Variants in CTDSP2 observed in about 807,000 individuals in gnomAD.
CTDSP2 encodes the protein CTD small phosphatase 2.
A neutral mutation model predicts 31.6 loss-of-function variants in CTDSP2; 9 were observed. The observed-to-expected ratio is 0.28, with a 90% CI of 0.17 to 0.50. The LOEUF (loss-of-function observed/expected upper bound fraction) is 0.50. Among genes scored for constraint, CTDSP2 ranks in the 20% least tolerant of loss-of-function variants. The pLI, the probability that CTDSP2 is intolerant of heterozygous loss-of-function variation, is 0.98. For synonymous variants in CTDSP2, 134 were observed against 134.5 expected, an observed-to-expected ratio of 1.00 and a Z score of 0.03; for missense variants, 267 against 348.5, an observed-to-expected ratio of 0.77 and a Z score of 1.86.
chr12:57,825,582 C>T (rs761417851), intron 5 of CTDSP2, among the ~76,000 whole-genome samples: 3 of 152,216 alleles, frequency 2.0e-5, no homozygotes, highest in Non-Finnish European at 4.4e-5. Flanking sequence ...TAGTCCTGAC[C>T]GGGGCCTGGC....
intron 2 of CTDSP2, 128 bp from the exon 3 acceptor site, chr12:57,827,718 C>T: frequency 1.2e-6 from 1 of 868,742 alleles, no homozygotes; most frequent in Admixed American, 2.1e-5. Flanking sequence ...AAGCTCCTAC[C>T]ATGTCAAAAG....
chr12:57,830,927 C>T (rs111514512), intron 1 of CTDSP2, among the ~76,000 whole-genome samples: 3 of 151,418 alleles, frequency 2.0e-5, no homozygotes, highest in African/African-American at 4.8e-5. Context: ...TTTGTACTTT[C>T]AGTAGAGATG....
At chr12:57,826,122 G>C (rs1435889157) in intron 5 of CTDSP2, among the ~76,000 whole-genome samples, 1 of 152,208 alleles carries the variant, frequency 6.6e-6, no homozygotes, top group Non-Finnish European at 1.5e-5. Flanking sequence ...GTTGCAAAGA[G>C]AAAACAAGGG....
chr12:57,844,121 G>T (rs1956298805), intron 1 of CTDSP2, among the ~76,000 whole-genome samples: 1 of 152,088 alleles, frequency 6.6e-6, no homozygotes, highest in South Asian at 2.1e-4. Flanking sequence ...CTTGAATTTA[G>T]GAGGCGGAGG....
Position 57,820,396 on chromosome 12 carries a change from A to G in CTDSP2, c.*3206T>C, listed in dbSNP as rs1956137600. ...GGTTAAGTAATCCACTGAGGACCTG[A>G]AGGGGAAAATGGACTTACCTTTCTC... is the stretch of plus-strand genomic sequence containing the variant. On this transcript the variant is annotated 3_prime_UTR_variant, in exon 8 of 8. Transcript: ENST00000398073. 6.6e-6 allele frequency: 1 copy of G among 152,238 alleles called. No individual in the cohort carries two copies. Among genetic ancestry groups the G allele is most frequent in the African/African-American group, 2.4e-5 (1 of 41,462 alleles). The allele number at this position is 152,238 out of a possible 1,614,324, so 9.4% of individuals were successfully genotyped here. A position where few individuals can be genotyped will look rare whatever the true frequency, so the allele number is the denominator to read the frequency against.
At chr12:57,824,406 A>G (rs1595186103) in intron 5 of CTDSP2, 87 bp from the exon 6 acceptor site, 3 of 1,012,544 alleles carry the variant, frequency 3.0e-6, no homozygotes. Context: ...CACAGCAGCA[A>G]GGAGCTCTCA....
At chr12:57,840,868 G>A (rs1359757875) in intron 1 of CTDSP2, among the ~76,000 whole-genome samples, 1 of 152,042 alleles carries the variant, frequency 6.6e-6, no homozygotes, top group Non-Finnish European at 1.5e-5. Context: ...CATAAAACAG[G>A]GCATACACAC....
rs538213727 is a variant in CTDSP2, at chr12:57,829,491, G to C, written c.170C>G (p.Thr57Ser). ...TTCCTCCTTATACGCAGCGAGCTCA[G>C]TGGAGGAACTTGACTGGCCAACATG... Reference protein sequence around the residue: ...AQHVGQSSSSTELAAYKEEAN... With the variant: ...AQHVGQSSSSSELAAYKEEAN... Residue 57 changes from threonine (T) to serine (S), a missense_variant, in exon 2 of 8, where the codon ACT becomes AGT. This residue lies in a region of CTDSP2 where 111 missense variants were observed against 107.1 expected (regional missense o/e 1.04). Coordinates refer to ENST00000398073, the MANE Select transcript of CTDSP2 (RefSeq NM_005730.4). 13 of 1,614,204 alleles carry C rather than the reference G, an allele frequency of 8.1e-6. No individual in the cohort carries two copies. The South Asian group carries it at 1.4e-4, about 18-fold the overall frequency.
At position 57,821,054 on chromosome 12, in the gene CTDSP2, C is replaced by T. The variant is rs1956142000; in HGVS notation, c.*2548G>A. 6.6e-6 allele frequency: 1 copy of T among 152,212 alleles called. No individual in the cohort carries two copies. Among genetic ancestry groups the T allele is most frequent in the East Asian group, 1.9e-4 (1 of 5,198 alleles). The allele number at this position is 152,212 out of a possible 1,614,324, so 9.4% of individuals were successfully genotyped here. On this transcript the variant is annotated 3_prime_UTR_variant, in exon 8 of 8. Transcript: ENST00000398073. ...TGGGATGAAGCGGCCTCCTCCCTGT[C>T]TTGCCCTCCAAAATTGAGTCTGGCC... is the stretch of plus-strand genomic sequence containing the variant.
At chr12:57,840,368 C>G (rs1026865067) in intron 1 of CTDSP2, among the ~76,000 whole-genome samples, 1 of 152,240 alleles carries the variant, frequency 6.6e-6, no homozygotes, top group African/African-American at 2.4e-5. Context: ...CCTCTCCCCA[C>G]CGTACCTGAC....
chr12:57,842,122 G>A lies in CTDSP2; in HGVS notation c.64+4250C>T, dbSNP rs924425361. On this transcript the variant is annotated intron_variant, in intron 1 of 7. Coordinates refer to ENST00000398073, the MANE Select transcript of CTDSP2 (RefSeq NM_005730.4). ...AATACCCCAAATTACCCAAAAGCTA[G>A]CAGAAAAAAAAAATTGTAGGAGGAA... The A allele has an allele frequency of 4.6e-5, 7 of 151,504 alleles. No individual in the cohort carries two copies. The South Asian group carries it at 6.2e-4, about 13-fold the overall frequency. 9.4% of individuals were successfully genotyped at this position (151,504 alleles called of 1,614,324 possible). A position where few individuals can be genotyped will look rare whatever the true frequency, so the allele number is the denominator to read the frequency against.
chr12:57,823,424 T>G lies in CTDSP2; in HGVS notation c.*178A>C. On this transcript the variant is annotated 3_prime_UTR_variant, in exon 8 of 8. Transcript: ENST00000398073. ...TGGCGGCAGGTAGCTCTGGGTATCA[T>G]TGGTCTGGCATTCGCCCACTCGGCA... The G allele has an allele frequency of 1.5e-6, 1 of 648,228 alleles. No individual in the cohort carries two copies. The highest frequency in any genetic ancestry group is 2.6e-6 in the Non-Finnish European group (1 of 379,872). 40.2% of individuals were successfully genotyped at this position (648,228 alleles called of 1,614,324 possible).
chr12:57,825,200 G>A (rs1488736065), intron 5 of CTDSP2, among the ~76,000 whole-genome samples: 4 of 151,930 alleles, frequency 2.6e-5, no homozygotes, highest in Admixed American at 1.3e-4. Flanking sequence ...AAAGAGAGTC[G>A]GCCTGCTGTG....
chr12:57,827,213 A>G lies in CTDSP2; in HGVS notation c.253-116T>C, dbSNP rs532823821. ...GGAGACACAATCACCAACCCAGGAT[A>G]GGCACCACTTAAAGGCCAGGAAGAA... On this transcript the variant is annotated intron_variant, in intron 3 of 7. Coordinates refer to ENST00000398073, the MANE Select transcript of CTDSP2 (RefSeq NM_005730.4). The G allele has an allele frequency of 5.0e-5, 37 of 735,324 alleles. 1 individual carries two copies. The South Asian group carries it at 5.3e-4, about 11-fold the overall frequency. The allele number at this position is 735,324 out of a possible 1,614,324, so 45.5% of individuals were successfully genotyped here.
At chr12:57,823,759 C>A in intron 7 of CTDSP2, 32 bp from the exon 8 acceptor site, 2 of 1,612,950 alleles carry the variant, frequency 1.2e-6, no homozygotes, top group South Asian at 1.1e-5. Context: ...GTCAATCTCC[C>A]GACTGCTGCT....
intron 2 of CTDSP2, among the ~76,000 whole-genome samples, chr12:57,828,828 CT>C (rs1253418129): frequency 2.6e-5 from 4 of 152,366 alleles, no homozygotes; most frequent in Admixed American, 1.3e-4. Flanking sequence ...TTGGTCGGGG[CT>C]GGCCCCACCT....
At chr12:57,836,904 AT>A (rs917006594) in intron 1 of CTDSP2, among the ~76,000 whole-genome samples, 2 of 152,116 alleles carry the variant, frequency 1.3e-5, no homozygotes, top group African/African-American at 4.8e-5. Flanking sequence ...TTTTTGGTTC[AT>A]CCCCAGAAGT....
chr12:57,824,776 G>C, intron 5 of CTDSP2: 2 of 470,520 alleles, frequency 4.3e-6, no homozygotes, highest in East Asian at 1.1e-4. Context: ...AGGGAGAAGT[G>C]ACTTTTTCCC....
chr12:57,838,586 C>T (rs576476902), intron 1 of CTDSP2, among the ~76,000 whole-genome samples: 8 of 152,332 alleles, frequency 5.3e-5, no homozygotes, highest in African/African-American at 1.7e-4. Context: ...GCTTCTTTCC[C>T]TTCCAGGTAT....
Sources: gnomAD v4.1 joint callset for allele counts (sites outside exome capture counted in the v4.1 genomes callset) on GRCh38, gnomAD v4.1.1 for gene constraint, gnomAD v4.1.1 regional missense constraint, MANE v1.5 for transcripts, NCBI Gene and HGNC (gene_info 2026-07-23, HGNC 2026-07-21) for gene names.